The following RORA variants were observed in gnomAD, a reference collection of about 807,000 sequenced individuals.
The protein encoded by RORA is nuclear receptor ROR-alpha.
Under a neutral mutation model 69.5 loss-of-function variants are expected in RORA, and 7 were observed. The observed-to-expected ratio is 0.10, with a 90% CI of 0.06 to 0.19. The LOEUF is 0.19. Among genes scored for constraint, RORA ranks in the 10% least tolerant of loss-of-function variants. The pLI is 1.00. For synonymous variants in RORA, 261 were observed against 240.8 expected, an observed-to-expected ratio of 1.08 and a Z score of -0.78; for missense variants, 457 against 663.0, an observed-to-expected ratio of 0.69 and a Z score of 3.41.
chr15:61,129,544 T>C (rs2079171958), intron 1 of RORA, among the ~76,000 whole-genome samples: 1 of 152,198 alleles, frequency 6.6e-6, no homozygotes, highest in South Asian at 2.1e-4. Flanking sequence ...TTGCACACTG[T>C]GAATGTACTT....
intron 1 of RORA, among the ~76,000 whole-genome samples, chr15:60,787,105 T>A (rs532196551): frequency 8.5e-5 from 13 of 152,298 alleles, no homozygotes; most frequent in African/African-American, 2.9e-4. Flanking sequence ...CTACAGCAAG[T>A]CATTTAATGC....
intron 1 of RORA, among the ~76,000 whole-genome samples, chr15:61,063,811 A>T (rs546707260): frequency 6.6e-6 from 1 of 152,330 alleles, no homozygotes; most frequent in Admixed American, 6.5e-5. Context: ...AAAATTCCCA[A>T]ATCAGGTTTC....
chr15:60,678,960 G>A (rs572234258), intron 1 of RORA, among the ~76,000 whole-genome samples: 6 of 152,266 alleles, frequency 3.9e-5, no homozygotes, highest in Admixed American at 1.3e-4. Context: ...AACAGGACGC[G>A]AGGAGACTCT....
intron 1 of RORA, among the ~76,000 whole-genome samples, chr15:60,692,933 C>T (rs569349638): frequency 5.3e-4 from 80 of 152,138 alleles, no homozygotes; most frequent in Non-Finnish European, 9.3e-4. Flanking sequence ...AGAGGGACTC[C>T]TCCCTAACAC....
intron 1 of RORA, among the ~76,000 whole-genome samples, chr15:60,791,934 A>G (rs2072423539): frequency 1.3e-5 from 2 of 152,158 alleles, no homozygotes; most frequent in African/African-American, 4.8e-5. Flanking sequence ...GTAAAATGTA[A>G]CACATAAGAA....
At chr15:60,956,609 TTTC>T (rs543019159) in intron 1 of RORA, among the ~76,000 whole-genome samples, 5 of 152,368 alleles carry the variant, frequency 3.3e-5, no homozygotes, top group African/African-American at 7.2e-5. Flanking sequence ...TGTGTCTTGG[TTTC>T]TTCATGTATA....
At chr15:60,723,514 G>C (rs2071319410) in intron 1 of RORA, among the ~76,000 whole-genome samples, 2 of 151,998 alleles carry the variant, frequency 1.3e-5, no homozygotes, top group African/African-American at 4.8e-5. Flanking sequence ...AACTAGTTGA[G>C]TACTTTCTCA....
chr15:60,553,042 T>C (rs1220615286), intron 2 of RORA, among the ~76,000 whole-genome samples: 1 of 152,194 alleles, frequency 6.6e-6, no homozygotes, highest in Non-Finnish European at 1.5e-5. Context: ...GAGATAACAG[T>C]ACCTACTTCA....
intron 1 of RORA, among the ~76,000 whole-genome samples, chr15:60,687,174 T>A (rs1210993386): frequency 6.6e-6 from 1 of 152,106 alleles, no homozygotes; most frequent in African/African-American, 2.4e-5. Flanking sequence ...TTGGAGGAAA[T>A]GAGGCCCACT....
rs373878718 is a variant in RORA at position 60,866,860 on chromosome 15, C to T, written c.167-188174G>A. Among the ~76,000 whole-genome samples the T allele has an allele frequency of 2.7e-3, 404 of 152,174 alleles. 1 individual carries two copies. The highest frequency in any genetic ancestry group is 9.5e-3 in the African/African-American group (396 of 41,502). ...TCTATCTATCTATCTATCTACCTAC[C>T]TACCTATCTACCTATCTAGTTTCGA... On this transcript the variant is annotated intron_variant, in intron 1 of 10. Transcript: ENST00000335670.
intron 1 of RORA, among the ~76,000 whole-genome samples, chr15:61,004,282 A>AGAGAG (rs1555401021): frequency 1.3e-5 from 2 of 151,776 alleles, no homozygotes; most frequent in African/African-American, 4.8e-5. Flanking sequence ...GGGAGAGAGA[A>AGAGAG]AGAGAGAGAG....
At chr15:61,062,809 T>A (rs1386869181) in intron 1 of RORA, among the ~76,000 whole-genome samples, 2 of 152,202 alleles carry the variant, frequency 1.3e-5, no homozygotes, top group African/African-American at 4.8e-5. Context: ...AGTGAGGGTA[T>A]TTCCATGCTC....
intron 5 of RORA, among the ~76,000 whole-genome samples, chr15:60,506,442 C>G (rs1302053025): frequency 6.6e-6 from 1 of 152,126 alleles, no homozygotes; most frequent in Non-Finnish European, 1.5e-5. Flanking sequence ...TCTCTAGGAG[C>G]TTGTAATCTG....
At chr15:60,677,579 T>C (rs965273845) in intron 2 of RORA, among the ~76,000 whole-genome samples, 1 of 141,532 alleles carries the variant, frequency 7.1e-6, no homozygotes, top group Non-Finnish European at 1.6e-5. Context: ...TTTGGTTTTT[T>C]CTTTTTTTTT....
rs971962247 is a variant in RORA, at chr15:60,665,424, G to T, written c.196+13233C>A. On this transcript the variant is annotated intron_variant, in intron 2 of 10. Transcript: ENST00000335670. ...AATGCAAACAAATGGTGTTCAAGAG[G>T]TCACTCAGAAAATTAACACATTCTT... is the stretch of plus-strand genomic sequence containing the variant. 1.1e-4 allele frequency among the ~76,000 whole-genome samples: 16 copies of T among 152,174 alleles called. 1 individual carries two copies. Among genetic ancestry groups the T allele is most frequent in the African/African-American group, 3.9e-4 (16 of 41,440 alleles).
At chr15:61,103,206 C>A (rs1283303878) in intron 1 of RORA, among the ~76,000 whole-genome samples, 1 of 152,064 alleles carries the variant, frequency 6.6e-6, no homozygotes, top group African/African-American at 2.4e-5. Context: ...CCCTCCTCTC[C>A]TGGGCGGGGC....
chr15:60,721,378 G>A (rs2071291524), intron 1 of RORA, among the ~76,000 whole-genome samples: 1 of 152,194 alleles, frequency 6.6e-6, no homozygotes, highest in Non-Finnish European at 1.5e-5. Context: ...AAATAGATAA[G>A]AGGAAATTGA....
chr15:60,611,589 A>AAAAAAAAAAAAAAAT, intron 2 of RORA, among the ~76,000 whole-genome samples: 1 of 146,392 alleles, frequency 6.8e-6, no homozygotes, highest in Non-Finnish European at 1.5e-5. Context: ...AAAAAAAAAA[A>AAAAAAAAAAAAAAAT]GGTGGAGTCT....
intron 1 of RORA, among the ~76,000 whole-genome samples, chr15:60,962,555 G>C (rs922525169): frequency 6.6e-6 from 1 of 152,196 alleles, no homozygotes; most frequent in Admixed American, 6.5e-5. Flanking sequence ...TAGAGTTCTA[G>C]TCGAGGCTGG....
Sources: allele counts gnomAD v4.1 joint callset (sites outside exome capture counted in the v4.1 genomes callset), GRCh38; gene constraint gnomAD v4.1.1; transcripts MANE v1.5; gene names NCBI Gene and HGNC (gene_info 2026-07-23, HGNC 2026-07-21).